PLCG2: variants seen among roughly 807,000 people sequenced by gnomAD.
PLCG2 encodes the protein 1-phosphatidylinositol 4,5-bisphosphate phosphodiesterase gamma-2.
In PLCG2, 69 loss-of-function variants were observed where a neutral mutation model predicts 175.6. That is an observed-to-expected ratio of 0.39 (90% CI 0.32 to 0.48). The LOEUF is 0.48. Ranked by LOEUF, PLCG2 falls within the 20% of genes least tolerant of loss-of-function variation. The pLI is 0.91. For missense variants in PLCG2, 1,798 were observed against 1,650.9 expected (o/e 1.09, Z -1.54); for synonymous variants, 827 against 624.0 (o/e 1.33, Z -4.85).
intron 26 of PLCG2, among the ~76,000 whole-genome samples, chr16:81,934,792 A>C (rs1910639816): frequency 6.6e-6 from 1 of 151,476 alleles, no homozygotes; most frequent in Non-Finnish European, 1.5e-5. Flanking sequence ...TAATGGACTC[A>C]CAGTTCCACG....
intron 2 of PLCG2, among the ~76,000 whole-genome samples, chr16:81,819,528 T>TTCCCAGCCACC: frequency 6.6e-6 from 1 of 152,292 alleles, no homozygotes; most frequent in East Asian, 1.9e-4. Flanking sequence ...GTGTGAGATC[T>TTCCCAGCCACC]TCCCAGCCAC....
intron 25 of PLCG2, among the ~76,000 whole-genome samples, chr16:81,932,029 C>T (rs550212818): frequency 2.6e-5 from 4 of 152,298 alleles, no homozygotes; most frequent in South Asian, 2.1e-4. Context: ...TGACAGAAAA[C>T]GTTCACTGAG....
chr16:81,912,778 A>G (rs998797542), intron 19 of PLCG2, 62 bp downstream of exon 19: 14 of 1,497,786 alleles, frequency 9.3e-6, no homozygotes, highest in Non-Finnish European at 1.2e-5. Flanking sequence ...AGATGCGGAG[A>G]GACAAGGGGG....
chr16:81,948,977 GGA>G (rs1354963874), intron 31 of PLCG2, among the ~76,000 whole-genome samples: 1 of 152,204 alleles, frequency 6.6e-6, no homozygotes, highest in African/African-American at 2.4e-5. Context: ...AGACATCCAA[GGA>G]GAGCACTGGA....
chr16:81,807,889 C>G (rs532052503), intron 2 of PLCG2, among the ~76,000 whole-genome samples: 1 of 152,180 alleles, frequency 6.6e-6, no homozygotes, highest in South Asian at 2.1e-4. Flanking sequence ...CCAGATCTCT[C>G]AAGAACTCAC....
chr16:81,776,404 C>T (rs959302510), upstream of PLCG2, among the ~76,000 whole-genome samples: 4 of 150,452 alleles, frequency 2.7e-5, no homozygotes, highest in Admixed American at 6.6e-5. Context: ...CCACCGCGCC[C>T]GGCTCAGAGT....
chr16:81,865,654 C>T (rs541485566), intron 5 of PLCG2, among the ~76,000 whole-genome samples: 2 of 152,134 alleles, frequency 1.3e-5, no homozygotes, highest in African/African-American at 2.4e-5. Context: ...CCTGGGGGGC[C>T]CTGGCCTCTT....
At chr16:81,890,124 A>G (rs1042750273) in intron 10 of PLCG2, among the ~76,000 whole-genome samples, 9 of 152,156 alleles carry the variant, frequency 5.9e-5, no homozygotes, top group Non-Finnish European at 1.0e-4. Context: ...AGACGTCTCA[A>G]AAGGCCAATC....
Position 81,786,158 on chromosome 16 carries a change from A to G in PLCG2, c.169A>G (p.Thr57Ala). The G allele has an allele frequency of 6.2e-7, 1 of 1,614,094 alleles. No homozygotes were observed. Among genetic ancestry groups the G allele is most frequent in the African/African-American group, 1.3e-5 (1 of 75,050 alleles). Residue 57 changes from threonine (T) to alanine (A), a missense_variant, in exon 2 of 33, where the codon ACC becomes GCC. Transcript: ENST00000564138. ...METRQVAWSKTADKIEGFLDI... is the reference protein window; with the variant it reads ...METRQVAWSKAADKIEGFLDI... ...GACGCGGCAGGTGGCCTGGAGCAAGACCGCTGACAAGATCGAGGGCTTCTG... is the reference window on the plus strand; with the variant it reads ...GACGCGGCAGGTGGCCTGGAGCAAGGCCGCTGACAAGATCGAGGGCTTCTG...
At chr16:81,877,443 A>G (rs1442124532) in intron 7 of PLCG2, among the ~76,000 whole-genome samples, 2 of 152,252 alleles carry the variant, frequency 1.3e-5, no homozygotes, top group Non-Finnish European at 2.9e-5. Context: ...CGACACAGCG[A>G]GACTCCGTCT....
chr16:81,892,468 G>T (rs1908681940), intron 11 of PLCG2, among the ~76,000 whole-genome samples: 1 of 152,128 alleles, frequency 6.6e-6, no homozygotes, highest in Non-Finnish European at 1.5e-5. Flanking sequence ...TGACATTCCA[G>T]GGGGTCATCT....
intron 2 of PLCG2, among the ~76,000 whole-genome samples, chr16:81,820,533 C>T (rs1389706106): frequency 6.6e-6 from 1 of 152,222 alleles, no homozygotes; most frequent in Non-Finnish European, 1.5e-5. Context: ...ATTCCAGTGA[C>T]CGAATATACC....
At chr16:81,757,147 C>G (rs1269531597) in intron 2 of PLCG2, among the ~76,000 whole-genome samples, 1 of 151,988 alleles carries the variant, frequency 6.6e-6, no homozygotes, top group Non-Finnish European at 1.5e-5. Context: ...AAAGGGAGCT[C>G]TAGGAGGGAC....
intron 2 of PLCG2, among the ~76,000 whole-genome samples, chr16:81,846,645 A>G (rs1906134420): frequency 6.6e-6 from 1 of 152,262 alleles, no homozygotes; most frequent in Admixed American, 6.5e-5. Flanking sequence ...GATCATGAGT[A>G]GATAGTCCAT....
At chr16:81,952,751 G>T (rs1054151985) in intron 31 of PLCG2, among the ~76,000 whole-genome samples, 3 of 152,098 alleles carry the variant, frequency 2.0e-5, no homozygotes, top group Admixed American at 6.6e-5. Flanking sequence ...AAGGAATGAG[G>T]GAACTAGAAA....
intron 1 of PLCG2, among the ~76,000 whole-genome samples, chr16:81,781,061 A>G (rs1406130678): frequency 6.6e-6 from 1 of 151,686 alleles, no homozygotes; most frequent in Non-Finnish European, 1.5e-5. Context: ...ACACACAAAC[A>G]CTTCTTAATT....
chr16:81,786,783 C>G (rs1218831868), intron 2 of PLCG2, among the ~76,000 whole-genome samples: 1 of 152,174 alleles, frequency 6.6e-6, no homozygotes, highest in African/African-American at 2.4e-5. Flanking sequence ...AGTAAAGGCA[C>G]TTAAGCAATT....
chr16:81,921,346 G>T (rs147868758), intron 21 of PLCG2, 77 bp downstream of exon 21: 38 of 954,854 alleles, frequency 4.0e-5, no homozygotes, highest in Non-Finnish European at 6.4e-5. Flanking sequence ...TCCCATGGCA[G>T]TTATAACAGG....
chr16:81,876,805 C>G (rs1187325982), intron 7 of PLCG2, among the ~76,000 whole-genome samples: 1 of 152,166 alleles, frequency 6.6e-6, no homozygotes, highest in Non-Finnish European at 1.5e-5. Flanking sequence ...GACCACATAA[C>G]CCTCCATGGT....
Sources: gnomAD v4.1 joint callset for allele counts (sites outside exome capture counted in the v4.1 genomes callset) on GRCh38, gnomAD v4.1.1 for gene constraint, MANE v1.5 for transcripts, NCBI Gene and HGNC (gene_info 2026-07-23, HGNC 2026-07-21) for gene names.